Variants in HCN1 observed in about 807,000 individuals in gnomAD.
HCN1 encodes the protein potassium/sodium hyperpolarization-activated cyclic nucleotide-gated channel 1.
In HCN1, 13 loss-of-function variants were observed where a neutral mutation model predicts 78.9. That is an observed-to-expected ratio of 0.16 (90% CI 0.11 to 0.26). HCN1 has a LOEUF of 0.26. Ranked by LOEUF, HCN1 falls within the 10% of genes least tolerant of loss-of-function variation. The probability of loss-of-function intolerance (pLI) is 1.00; values close to 1 mark genes in which losing one functional copy is unlikely to be tolerated. For synonymous variants in HCN1, 552 were observed against 455.5 expected, an observed-to-expected ratio of 1.21 and a Z score of -2.70; for missense variants, 810 against 1,154.3, an observed-to-expected ratio of 0.70 and a Z score of 4.32.
intron 3 of HCN1, among the ~76,000 whole-genome samples, chr5:45,456,068 G>T (rs989990294): frequency 6.6e-6 from 1 of 151,700 alleles, no homozygotes; most frequent in Non-Finnish European, 1.5e-5. Flanking sequence ...TTTTATATCA[G>T]TTTTTTTCTC....
chr5:45,553,339 T>C (rs1468637831), intron 2 of HCN1, among the ~76,000 whole-genome samples: 1 of 151,838 alleles, frequency 6.6e-6, no homozygotes, highest in Non-Finnish European at 1.5e-5. Context: ...AAAGGGTATA[T>C]GTAAGCTTCT....
At chr5:45,670,869 G>A (rs1409320631) in intron 1 of HCN1, among the ~76,000 whole-genome samples, 1 of 151,580 alleles carries the variant, frequency 6.6e-6, no homozygotes, top group East Asian at 1.9e-4. Context: ...TACTAAAAAT[G>A]TGAAGCAAAC....
At chr5:45,418,844 T>C (rs1467146861) in intron 3 of HCN1, among the ~76,000 whole-genome samples, 1 of 152,186 alleles carries the variant, frequency 6.6e-6, no homozygotes, top group Non-Finnish European at 1.5e-5. Context: ...GAATATTTTA[T>C]TTTAATTTGA....
chr5:45,485,910 G>A (rs778547120), intron 2 of HCN1, among the ~76,000 whole-genome samples: 47 of 152,086 alleles, frequency 3.1e-4, no homozygotes, highest in Non-Finnish European at 4.9e-4. Context: ...GATTAGTTAG[G>A]CCCCATAGTT....
chr5:45,571,464 GAAACGCCAAAATAGAC>G (rs968116590), intron 2 of HCN1, among the ~76,000 whole-genome samples: 16 of 152,130 alleles, frequency 1.1e-4, no homozygotes, highest in Admixed American at 3.9e-4. Flanking sequence ...CAAGATAGAT[GAAACGCCAAAATAGAC>G]AAGCTAAGAA....
intron 4 of HCN1, among the ~76,000 whole-genome samples, chr5:45,360,644 C>A (rs1223464318): frequency 1.3e-5 from 2 of 151,668 alleles, no homozygotes; most frequent in Non-Finnish European, 2.9e-5. Context: ...ATTTTTTTTT[C>A]TCAGTAAAAA....
At chr5:45,462,615 A>C (rs879781320) in intron 2 of HCN1, among the ~76,000 whole-genome samples, 3 of 152,094 alleles carry the variant, frequency 2.0e-5, no homozygotes, top group Non-Finnish European at 2.9e-5. Context: ...ACTTTTAAAA[A>C]TCATAACTAT....
intron 2 of HCN1, among the ~76,000 whole-genome samples, chr5:45,514,361 G>A (rs1398069766): frequency 6.6e-6 from 1 of 151,970 alleles, no homozygotes; most frequent in East Asian, 1.9e-4. Flanking sequence ...AACCTCCAAA[G>A]CCGTCTCTTC....
chr5:45,261,738 A>C lies in HCN1; in HGVS notation c.*183T>G. 3.4e-6 allele frequency: 2 copies of C among 582,090 alleles called. No individual in the cohort carries two copies. 36.1% of individuals were successfully genotyped at this position (582,090 alleles called of 1,614,324 possible). A position where few individuals can be genotyped will look rare whatever the true frequency, so the allele number is the denominator to read the frequency against. On this transcript the variant is annotated 3_prime_UTR_variant, in exon 8 of 8. Coordinates refer to ENST00000303230, the MANE Select transcript of HCN1 (RefSeq NM_021072.4). ...CAGGTCTTTTGACCCTCTCTTGGGA[A>C]TTTAGATATATATTTTATAGTATAT...
intron 6 of HCN1, among the ~76,000 whole-genome samples, chr5:45,270,465 G>A (rs995770891): frequency 1.3e-5 from 2 of 152,082 alleles, no homozygotes; most frequent in Admixed American, 1.3e-4. Flanking sequence ...AACAAGAAAG[G>A]GCCATGGTTG....
chr5:45,373,376 TATATA>T (rs1747476467), intron 4 of HCN1, among the ~76,000 whole-genome samples: 1 of 112,888 alleles, frequency 8.9e-6, no homozygotes, highest in Non-Finnish European at 1.6e-5. Flanking sequence ...ATATATATTT[TATATA>T]ATATATGTAA....
intron 5 of HCN1, among the ~76,000 whole-genome samples, chr5:45,311,690 G>T (rs2111917372): frequency 6.6e-6 from 1 of 152,302 alleles, no homozygotes; most frequent in Non-Finnish European, 1.5e-5. Flanking sequence ...CTGAAGAAAT[G>T]CCAAGAATGT....
intron 4 of HCN1, among the ~76,000 whole-genome samples, chr5:45,395,593 A>C (rs1739669841): frequency 6.6e-6 from 1 of 152,176 alleles, no homozygotes. Flanking sequence ...GATGTTTTGA[A>C]AACAATTCTG....
At chr5:45,605,406 C>T (rs916079946) in intron 2 of HCN1, among the ~76,000 whole-genome samples, 1 of 151,790 alleles carries the variant, frequency 6.6e-6, no homozygotes, top group Non-Finnish European at 1.5e-5. Flanking sequence ...GAATTAGAGT[C>T]AATCTAAATG....
intron 6 of HCN1, among the ~76,000 whole-genome samples, chr5:45,297,555 A>G (rs1745524510): frequency 6.6e-6 from 1 of 152,090 alleles, no homozygotes; most frequent in African/African-American, 2.4e-5. Context: ...AATGATATCA[A>G]TTCTCCACCA....
At chr5:45,661,350 C>T (rs1432500421) in intron 1 of HCN1, among the ~76,000 whole-genome samples, 1 of 149,774 alleles carries the variant, frequency 6.7e-6, no homozygotes, top group East Asian at 2.0e-4. Context: ...CAAGAGAAAG[C>T]AGGAAAGATC....
At chr5:45,666,554 C>A (rs568847013) in intron 1 of HCN1, among the ~76,000 whole-genome samples, 5 of 152,162 alleles carry the variant, frequency 3.3e-5, no homozygotes, top group Non-Finnish European at 7.4e-5. Context: ...CCTAGTAATA[C>A]ATTCCCTGAA....
chr5:45,639,008 T>A (rs761578897), intron 2 of HCN1, among the ~76,000 whole-genome samples: 2 of 152,204 alleles, frequency 1.3e-5, no homozygotes, highest in Non-Finnish European at 2.9e-5. Context: ...TGAAAACAAT[T>A]ATCTCACAAT....
intron 3 of HCN1, among the ~76,000 whole-genome samples, chr5:45,427,459 C>T (rs1280250976): frequency 1.3e-5 from 2 of 151,980 alleles, no homozygotes; most frequent in Non-Finnish European, 2.9e-5. Flanking sequence ...AAAATCTTTG[C>T]CTCTTTCTAA....
Sources: gnomAD v4.1 joint callset for allele counts (sites outside exome capture counted in the v4.1 genomes callset) on GRCh38, gnomAD v4.1.1 for gene constraint, MANE v1.5 for transcripts, NCBI Gene and HGNC (gene_info 2026-07-23, HGNC 2026-07-21) for gene names.